CRKL: variants seen among roughly 807,000 people sequenced by gnomAD.
The protein encoded by CRKL is CRK like proto-oncogene, adaptor protein, also known as crk-like protein.
Under a neutral mutation model 23.0 loss-of-function variants are expected in CRKL, and 3 were observed. The observed-to-expected ratio is 0.13, with a 90% CI of 0.06 to 0.34. The LOEUF (loss-of-function observed/expected upper bound fraction) is 0.34. Among genes scored for constraint, CRKL ranks in the 10% least tolerant of loss-of-function variants. The pLI, the probability that CRKL is intolerant of heterozygous loss-of-function variation, is 1.00. For synonymous variants in CRKL, 188 were observed against 160.7 expected (o/e 1.17, Z -1.28); for missense variants, 256 against 394.5 (o/e 0.65, Z 2.97).
rs1040562598 is a variant in CRKL at position 20,951,033 on chromosome 22, G to C, written c.*1188G>C. 1.7e-4 allele frequency: 40 copies of C among 232,712 alleles called. No homozygotes were observed. The highest frequency in any genetic ancestry group is 1.8e-4 in the Non-Finnish European group (21 of 117,792). The allele number at this position is 232,712 out of a possible 1,614,324, so 14.4% of individuals were successfully genotyped here. A position where few individuals can be genotyped will look rare whatever the true frequency, so the allele number is the denominator to read the frequency against. ...GCTTACCTTGTTTTGCCAGTGATAA[G>C]AGCAGTGGGTTGGAGGGCACTTGGC... On this transcript the variant is annotated 3_prime_UTR_variant, in exon 3 of 3. Coordinates refer to ENST00000354336, the MANE Select transcript of CRKL (RefSeq NM_005207.4).
At chr22:20,933,021 A>G (rs1921511911) in intron 1 of CRKL, among the ~76,000 whole-genome samples, 1 of 151,998 alleles carries the variant, frequency 6.6e-6, no homozygotes, top group Admixed American at 6.6e-5. Context: ...TAGAGGTTAC[A>G]GTGAACTGAA....
intron 1 of CRKL, among the ~76,000 whole-genome samples, chr22:20,920,032 A>G (rs981449539): frequency 1.3e-5 from 2 of 152,296 alleles, no homozygotes; most frequent in African/African-American, 4.8e-5. Flanking sequence ...GCACAATATA[A>G]TTCCAATTTA....
Position 20,917,853 on chromosome 22 carries a change from A to G in CRKL, c.-82A>G. The stretch of plus-strand genomic sequence containing the variant: ...TGCGAGAGGCCCTTCCTCGGCCCCA[A>G]AGCCGTCTGCCGGGCTAAGGCGTGC... On this transcript the variant is annotated 5_prime_UTR_variant, in exon 1 of 3. Coordinates refer to ENST00000354336, the MANE Select transcript of CRKL (RefSeq NM_005207.4). The G allele has an allele frequency of 7.1e-7, 1 of 1,404,616 alleles. No homozygotes were observed. The highest frequency in any genetic ancestry group is 9.6e-7 in the Non-Finnish European group (1 of 1,038,654). The allele number at this position is 1,404,616 out of a possible 1,614,324, so 87.0% of individuals were successfully genotyped here.
In CRKL at chr22:20,918,144, T is replaced by C. The variant is rs2147891859; in HGVS notation, c.210T>C (p.Arg70=). ...TCATCAACTCGCTGCCCAACCGCCGTTTTAAGATCGGGGACCAGGAATTTG... is the reference window on the plus strand; with the variant it reads ...TCATCAACTCGCTGCCCAACCGCCGCTTTAAGATCGGGGACCAGGAATTTG... ...HYIINSLPNR[R]FKIGDQEFDH... Residue 70 remains arginine (R), a synonymous_variant, in exon 1 of 3, where the codon CGT becomes CGC. Coordinates refer to ENST00000354336, the MANE Select transcript of CRKL (RefSeq NM_005207.4). 1 of 1,614,018 alleles carries C rather than the reference T, an allele frequency of 6.2e-7. No individual in the cohort carries two copies. The highest frequency in any genetic ancestry group is 8.5e-7 in the Non-Finnish European group (1 of 1,180,016).
chr22:20,939,065 C>T (rs1312346531), intron 2 of CRKL, among the ~76,000 whole-genome samples: 1 of 152,136 alleles, frequency 6.6e-6, no homozygotes, highest in Non-Finnish European at 1.5e-5. Context: ...TAGCCCTCTT[C>T]AGAGTCTAAC....
Position 20,917,712 on chromosome 22 carries a change from C to A in CRKL, c.-223C>A, listed in dbSNP as rs1929742045. On this transcript the variant is annotated 5_prime_UTR_variant, in exon 1 of 3. Transcript: ENST00000354336. ...GACCCCCCGGCTCTGCCGTGCATTC[C>A]CGGGCGGCTCTCTCCGTGTGGCGGC... 3 of 575,944 alleles carry A rather than the reference C, an allele frequency of 5.2e-6. No individual in the cohort carries two copies. The allele number at this position is 575,944 out of a possible 1,614,324, so 35.7% of individuals were successfully genotyped here. A position where few individuals can be genotyped will look rare whatever the true frequency, so the allele number is the denominator to read the frequency against.
chr22:20,928,812 C>CAAAAAAAAAAAAAAAAA (rs57896414), intron 1 of CRKL, among the ~76,000 whole-genome samples: 1 of 81,572 alleles, frequency 1.2e-5, no homozygotes, highest in African/African-American at 4.8e-5. Flanking sequence ...GATCCCATCT[C>CAAAAAAAAAAAAAAAAA]AAAAAAAAAA....
chr22:20,940,309 A>G (rs1164722957), intron 2 of CRKL, among the ~76,000 whole-genome samples: 6 of 152,060 alleles, frequency 3.9e-5, no homozygotes, highest in Non-Finnish European at 7.4e-5. Context: ...TCCACTTCCC[A>G]TTCTAAATTC....
At chr22:20,932,548 G>A (rs1921494244) in intron 1 of CRKL, among the ~76,000 whole-genome samples, 1 of 152,094 alleles carries the variant, frequency 6.6e-6, no homozygotes, top group African/African-American at 2.4e-5. Flanking sequence ...AAGAGTGTGT[G>A]GTGGTTGTGA....
At chr22:20,936,638 A>G (rs1167985911) in intron 2 of CRKL, among the ~76,000 whole-genome samples, 1 of 151,778 alleles carries the variant, frequency 6.6e-6, no homozygotes, top group Non-Finnish European at 1.5e-5. Flanking sequence ...GGCGTGAGCT[A>G]CCATGCCTGG....
At chr22:20,945,492 A>C (rs1040353900) in intron 2 of CRKL, among the ~76,000 whole-genome samples, 1 of 151,924 alleles carries the variant, frequency 6.6e-6, no homozygotes, top group African/African-American at 2.4e-5. Context: ...CCCGCCCCCT[A>C]CCTTTCCCAA....
chr22:20,934,977 C>G (rs1177973621), intron 2 of CRKL, among the ~76,000 whole-genome samples: 1 of 151,960 alleles, frequency 6.6e-6, no homozygotes, highest in Non-Finnish European at 1.5e-5. Flanking sequence ...CCACGCCTGG[C>G]TAATTTTTTT....
chr22:20,939,898 C>T (rs976117780), intron 2 of CRKL, among the ~76,000 whole-genome samples: 2 of 151,450 alleles, frequency 1.3e-5, no homozygotes, highest in African/African-American at 2.4e-5. Context: ...AAGTGATTCT[C>T]CTGCCTCAGC....
intron 1 of CRKL, among the ~76,000 whole-genome samples, chr22:20,928,871 T>A (rs1216366540): frequency 2.6e-5 from 4 of 151,724 alleles, no homozygotes; most frequent in Non-Finnish European, 5.9e-5. Flanking sequence ...ACTTCCTTTT[T>A]CTAGAAGTTG....
At position 20,918,082 on chromosome 22, in the gene CRKL, C is replaced by T. The variant is rs2147891668; in HGVS notation, c.148C>T (p.Leu50=). ...TTCCACCTGCCCTGGGGACTATGTG[C>T]TGTCGGTGTCCGAGAACTCGCGGGT... The part of the protein sequence containing the change: ...DSSTCPGDYV[L]SVSENSRVSH... The change falls in exon 1 of 3, where the codon CTG becomes TTG. Residue 50 remains leucine (L), a synonymous_variant. Transcript: ENST00000354336. 3 of 1,614,260 alleles carry T rather than the reference C, an allele frequency of 1.9e-6. No homozygotes were observed. Among genetic ancestry groups the T allele is most frequent in the Non-Finnish European group, 2.5e-6 (3 of 1,180,050 alleles).
intron 2 of CRKL, among the ~76,000 whole-genome samples, chr22:20,937,320 G>A (rs1921701452): frequency 6.6e-6 from 1 of 151,926 alleles, no homozygotes; most frequent in African/African-American, 2.4e-5. Context: ...GCATAGGATT[G>A]GGGAGCTAGG....
chr22:20,931,284 G>A (rs758004468), intron 1 of CRKL, among the ~76,000 whole-genome samples: 2 of 152,150 alleles, frequency 1.3e-5, no homozygotes, highest in Non-Finnish European at 2.9e-5. Context: ...GCAACTGCCT[G>A]TAGTCCCAGC....
chr22:20,921,588 C>T (rs1239029295), intron 1 of CRKL, among the ~76,000 whole-genome samples: 1 of 152,114 alleles, frequency 6.6e-6, no homozygotes, highest in East Asian at 1.9e-4. Context: ...AAGAAGAACC[C>T]AGCCTAGGCA....
chr22:20,944,255 C>T (rs2147913943), intron 2 of CRKL, among the ~76,000 whole-genome samples: 1 of 151,086 alleles, frequency 6.6e-6, no homozygotes, highest in South Asian at 2.1e-4. Flanking sequence ...TCCCAAAGTG[C>T]TGGCATTACA....
Sources: gnomAD v4.1 joint callset for allele counts (sites outside exome capture counted in the v4.1 genomes callset) on GRCh38, gnomAD v4.1.1 for gene constraint, MANE v1.5 for transcripts, NCBI Gene and HGNC (gene_info 2026-07-23, HGNC 2026-07-21) for gene names.